The following OCM variants were observed in gnomAD, a reference collection of about 807,000 sequenced individuals.
OCM encodes the protein oncomodulin-1.
A neutral mutation model predicts 14.1 loss-of-function variants in OCM; 18 were observed. The ratio of observed to expected loss-of-function variants is 1.28; its 90% CI spans 0.88 to 1.89. OCM has a LOEUF of 1.89. Among genes scored for constraint, OCM ranks in the 40% most tolerant of loss-of-function variants. The probability of loss-of-function intolerance (pLI) is 0.00; values close to 1 mark genes in which losing one functional copy is unlikely to be tolerated. For synonymous variants in OCM, 48 were observed against 51.0 expected, an observed-to-expected ratio of 0.94 and a Z score of 0.25; for missense variants, 140 against 137.6, an observed-to-expected ratio of 1.02 and a Z score of -0.09.
chr7:5,860,868 A>ATATT, the OCM span, among the ~76,000 whole-genome samples: 5 of 150,114 alleles, frequency 3.3e-5, no homozygotes, highest in Admixed American at 6.7e-5. Context: ...ATACATATAT[A>ATATT]TATTTATTTA....
At chr7:5,879,853 C>G (rs1005385628), upstream of OCM, 1 of 151,678 alleles carries the variant, frequency 6.6e-6, no homozygotes, top group Non-Finnish European at 1.5e-5. Context: ...GTAACTATCA[C>G]TTTTTCTAGC....
the OCM span, among the ~76,000 whole-genome samples, chr7:5,861,602 C>T: frequency 6.6e-6 from 1 of 152,104 alleles, no homozygotes; most frequent in Non-Finnish European, 1.5e-5. Context: ...ATTTCTTATT[C>T]AGAGGAAAGT....
the OCM span, among the ~76,000 whole-genome samples, chr7:5,873,925 G>T: frequency 6.6e-6 from 1 of 151,662 alleles, no homozygotes; most frequent in African/African-American, 2.4e-5. Flanking sequence ...GTCTCCACAA[G>T]GGCAGCCAGG....
the OCM span, among the ~76,000 whole-genome samples, chr7:5,861,335 G>T: frequency 6.6e-6 from 1 of 151,912 alleles, no homozygotes; most frequent in Admixed American, 6.6e-5. Flanking sequence ...GCAAGAAAAT[G>T]GCTTGAACCC....
the OCM span, among the ~76,000 whole-genome samples, chr7:5,862,367 A>G: frequency 2.0e-5 from 3 of 152,064 alleles, no homozygotes; most frequent in East Asian, 1.9e-4. Context: ...AACGTTACGT[A>G]TCTTCCCAGA....
chr7:5,869,877 T>C, the OCM span, among the ~76,000 whole-genome samples: 1 of 152,138 alleles, frequency 6.6e-6, no homozygotes, highest in African/African-American at 2.4e-5. Context: ...GCCCCTGACA[T>C]TGGCTGACCC....
chr7:5,871,496 T>G, the OCM span, among the ~76,000 whole-genome samples: 20 of 152,260 alleles, frequency 1.3e-4, no homozygotes, highest in African/African-American at 4.8e-4. Context: ...CTGGGATATC[T>G]CTCCCTTTTT....
chr7:5,860,919 G>A, the OCM span, among the ~76,000 whole-genome samples: 57 of 151,476 alleles, frequency 3.8e-4, 1 homozygote, highest in African/African-American at 1.3e-3. Flanking sequence ...CATTGATTTA[G>A]TGACCACAGA....
At chr7:5,860,272 C>G in the OCM span, among the ~76,000 whole-genome samples, 1 of 151,328 alleles carries the variant, frequency 6.6e-6, no homozygotes, top group Non-Finnish European at 1.5e-5. Context: ...AAATCAGCGT[C>G]CTATACCATT....
chr7:5,864,677 G>A, the OCM span, among the ~76,000 whole-genome samples: 64 of 151,676 alleles, frequency 4.2e-4, no homozygotes, highest in Non-Finnish European at 6.6e-4. Flanking sequence ...CAAATAGGCC[G>A]GGCACCGTGG....
chr7:5,883,432 C>T (rs937274760), intron 2 of OCM, among the ~76,000 whole-genome samples: 2 of 152,100 alleles, frequency 1.3e-5, no homozygotes, highest in Admixed American at 6.6e-5. Context: ...ACAATCCCAG[C>T]CCTTTGGGAG....
At chr7:5,883,604 T>C (rs1448610164) in intron 2 of OCM, among the ~76,000 whole-genome samples, 5 of 151,750 alleles carry the variant, frequency 3.3e-5, no homozygotes, top group Non-Finnish European at 7.4e-5. Context: ...GGAGGATTGA[T>C]TGAGCCCAGG....
At chr7:5,883,600 T>C (rs1006285780) in intron 2 of OCM, among the ~76,000 whole-genome samples, 14 of 151,504 alleles carry the variant, frequency 9.2e-5, no homozygotes, top group African/African-American at 3.4e-4. Context: ...GGCAGGAGGA[T>C]TGATTGAGCC....
At chr7:5,861,750 G>T in the OCM span, among the ~76,000 whole-genome samples, 4 of 151,614 alleles carry the variant, frequency 2.6e-5, no homozygotes, top group Non-Finnish European at 5.9e-5. Flanking sequence ...TTTATAATTT[G>T]TTGTTGTTGT....
In OCM at chr7:5,886,263, T is replaced by A. The variant is rs986864933; in HGVS notation, c.*174T>A. 4.6e-6 allele frequency: 4 copies of A among 869,892 alleles called. No individual in the cohort carries two copies. The African/African-American group carries it at 6.8e-5, about 15-fold the overall frequency. The allele number at this position is 869,892 out of a possible 1,614,324, so 53.9% of individuals were successfully genotyped here. On this transcript the variant is annotated 3_prime_UTR_variant, in exon 4 of 4. Coordinates refer to ENST00000242104, the MANE Select transcript of OCM (RefSeq NM_001097622.2). ...GGTCACGAGGGAGTCACTCCTGACT[T>A]TCTTGGTGGTGGGTATATGCCCTGA...
chr7:5,862,968 C>T, the OCM span, among the ~76,000 whole-genome samples: 1 of 151,282 alleles, frequency 6.6e-6, no homozygotes, highest in Non-Finnish European at 1.5e-5. Context: ...GACTCCTCTA[C>T]TCCCTCTTTT....
chr7:5,861,076 T>C, the OCM span, among the ~76,000 whole-genome samples: 1 of 151,946 alleles, frequency 6.6e-6, no homozygotes, highest in Non-Finnish European at 1.5e-5. Flanking sequence ...GTGGTGGTTA[T>C]AGTTGTTGCT....
At chr7:5,872,564 A>C in the OCM span, among the ~76,000 whole-genome samples, 2 of 152,200 alleles carry the variant, frequency 1.3e-5, no homozygotes, top group Non-Finnish European at 2.9e-5. Context: ...TTCAATGCAC[A>C]AATGTGTTCA....
Position 5,882,480 on chromosome 7 carries a change from C to A in OCM, c.62-13C>A, listed in dbSNP as rs1397498311. 3 of 1,613,658 alleles carry A rather than the reference C, an allele frequency of 1.9e-6. No homozygotes were observed. Among genetic ancestry groups the A allele is most frequent in the East Asian group, 2.2e-5 (1 of 44,890 alleles). On this transcript the variant is annotated splice_polypyrimidine_tract_variant and intron_variant, in intron 1 of 3. Transcript: ENST00000242104. Reference sequence around the variant, plus strand: ...CCAACAAGCGTCAGAATAACCAATTCTCTGTTCTTCAGACCCAGACACTTT... The same window carrying A: ...CCAACAAGCGTCAGAATAACCAATTATCTGTTCTTCAGACCCAGACACTTT...
Sources: allele counts gnomAD v4.1 joint callset (sites outside exome capture counted in the v4.1 genomes callset), GRCh38; gene constraint gnomAD v4.1.1; transcripts MANE v1.5; gene names NCBI Gene and HGNC (gene_info 2026-07-23, HGNC 2026-07-21).